AFAP1L1: variants seen among roughly 807,000 people sequenced by gnomAD.
AFAP1L1 encodes actin filament-associated protein 1-like 1.
A neutral mutation model predicts 99.8 loss-of-function variants in AFAP1L1; 77 were observed. That is an observed-to-expected ratio of 0.77 (90% CI 0.64 to 0.93). The LOEUF is 0.93. AFAP1L1 is among the 40% of genes least tolerant of loss of function. The pLI is 0.00. For missense variants in AFAP1L1, 893 were observed against 996.8 expected (o/e 0.90, Z 1.40); for synonymous variants, 373 against 395.3 (o/e 0.94, Z 0.67).
At chr5:149,337,645 C>A (rs944007748) in intron 18 of AFAP1L1, among the ~76,000 whole-genome samples, 1 of 152,152 alleles carries the variant, frequency 6.6e-6, no homozygotes, top group Non-Finnish European at 1.5e-5. Context: ...GTGAACAAGA[C>A]AGATGAGGTC....
chr5:149,307,944 T>C (rs2127596300), intron 7 of AFAP1L1, among the ~76,000 whole-genome samples: 1 of 151,256 alleles, frequency 6.6e-6, no homozygotes, highest in East Asian at 2.0e-4. Flanking sequence ...TCACTTGAGG[T>C]CAGGAGTTCG....
intron 5 of AFAP1L1, among the ~76,000 whole-genome samples, chr5:149,305,594 GT>G (rs1404332895): frequency 6.6e-6 from 1 of 152,130 alleles, no homozygotes; most frequent in African/African-American, 2.4e-5. Flanking sequence ...ACAGAATACA[GT>G]TTGAGACATC....
intron 1 of AFAP1L1, among the ~76,000 whole-genome samples, chr5:149,288,484 G>C (rs1288182786): frequency 6.6e-6 from 1 of 152,158 alleles, no homozygotes; most frequent in East Asian, 1.9e-4. Context: ...TTACCATCAG[G>C]CATCCCAGAT....
At chr5:149,284,315 C>T (rs909649775) in intron 1 of AFAP1L1, among the ~76,000 whole-genome samples, 1 of 152,146 alleles carries the variant, frequency 6.6e-6, no homozygotes, top group Admixed American at 6.5e-5. Flanking sequence ...GGGCTCTGGC[C>T]GTGGTGTCAA....
intron 1 of AFAP1L1, among the ~76,000 whole-genome samples, chr5:149,284,325 A>G (rs922467022): frequency 1.2e-4 from 18 of 152,338 alleles, no homozygotes; most frequent in Middle Eastern, 3.4e-3. Flanking sequence ...CGTGGTGTCA[A>G]GTTGCCTGGG....
intron 1 of AFAP1L1, among the ~76,000 whole-genome samples, chr5:149,275,013 A>G (rs755653403): frequency 6.6e-6 from 1 of 152,156 alleles, no homozygotes; most frequent in Non-Finnish European, 1.5e-5. Context: ...CCTGCCTACC[A>G]TGTGAGAGAT....
In AFAP1L1 at chr5:149,320,509, T is replaced by C. The variant is rs755930665; in HGVS notation, c.1698+46T>C. The C allele has an allele frequency of 9.7e-6, 15 of 1,544,542 alleles. No homozygotes were observed. The highest frequency in any genetic ancestry group is 1.3e-5 in the Non-Finnish European group (15 of 1,117,052). On this transcript the variant is annotated intron_variant, in intron 14 of 18. Coordinates refer to ENST00000296721, the MANE Select transcript of AFAP1L1 (RefSeq NM_152406.4). The surrounding 1 kb of genome is among the most constrained non-coding windows in gnomAD (Gnocchi z 4.0). Reference sequence around the variant, plus strand: ...CCAGGAATGTGGCAAAGGCCACTTATTAGCTCTCCCTCTTTCTGCTCCCTT... The same window carrying C: ...CCAGGAATGTGGCAAAGGCCACTTACTAGCTCTCCCTCTTTCTGCTCCCTT...
chr5:149,335,564 A>C (rs779874617), intron 17 of AFAP1L1, 30 bp from the exon 18 acceptor site: 1 of 1,610,974 alleles, frequency 6.2e-7, no homozygotes, highest in East Asian at 2.2e-5. Context: ...ACCAGATCTC[A>C]CCTATATAAT....
In AFAP1L1 at chr5:149,315,976, G is replaced by A. The variant is rs533358793; in HGVS notation, c.1114+62G>A. 1.3e-4 allele frequency: 204 copies of A among 1,599,334 alleles called. No individual in the cohort carries two copies. The African/African-American group carries it at 2.6e-3, about 20-fold the overall frequency. ...GAACTGGGCCGGGCCTTGCCCATGG[G>A]CACACAGCGGCAGAGCAGGTTCTGA... On this transcript the variant is annotated intron_variant, in intron 10 of 18. Coordinates refer to ENST00000296721, the MANE Select transcript of AFAP1L1 (RefSeq NM_152406.4).
intron 5 of AFAP1L1, 189 bp downstream of exon 5, chr5:149,302,715 G>A (rs1581312839): frequency 6.1e-6 from 3 of 490,698 alleles, no homozygotes; most frequent in Middle Eastern, 1.1e-3. Context: ...ACCAATATGT[G>A]GGGCCCCAGG....
rs576244423 is a variant in AFAP1L1 at position 149,295,345 on chromosome 5, C to T, written c.17-4164C>T. ...AAAAAGGTATTACAAAGCTTGGGTG[C>T]GAGAGCTCAGGTTTTTAAATGCAGA... On this transcript the variant is annotated intron_variant, in intron 1 of 18. Transcript: ENST00000296721. 3.9e-5 allele frequency among the ~76,000 whole-genome samples: 6 copies of T among 152,294 alleles called. No homozygotes were observed. In the East Asian group the frequency reaches 5.8e-4, roughly 15 times the overall value.
chr5:149,312,790 G>GA (rs1053641622), intron 9 of AFAP1L1, among the ~76,000 whole-genome samples: 3 of 148,962 alleles, frequency 2.0e-5, no homozygotes, highest in African/African-American at 7.4e-5. Context: ...CCCTGTCTCA[G>GA]AAAAAAGAAA....
At position 149,341,629 on chromosome 5, in the gene AFAP1L1, C is replaced by T. The variant is rs571368070; in HGVS notation, c.*1599C>T. 13 of 152,388 alleles carry T rather than the reference C, an allele frequency of 8.5e-5. No homozygotes were observed. The highest frequency in any genetic ancestry group is 1.9e-4 in the East Asian group (1 of 5,190). The allele number at this position is 152,388 out of a possible 1,614,324, so 9.4% of individuals were successfully genotyped here. On this transcript the variant is annotated 3_prime_UTR_variant, in exon 19 of 19. Coordinates refer to ENST00000296721, the MANE Select transcript of AFAP1L1 (RefSeq NM_152406.4). ...CTCATTAGCCAGGCATGGTGGTACT[C>T]GCCTGTAGTCCCAGCTACTCAGGAG...
chr5:149,287,477 A>G (rs9325141), intron 1 of AFAP1L1, among the ~76,000 whole-genome samples: 109 of 152,260 alleles, frequency 7.2e-4, no homozygotes, highest in African/African-American at 2.6e-3. Flanking sequence ...TAACTACATA[A>G]ATAAATAACT....
intron 1 of AFAP1L1, among the ~76,000 whole-genome samples, chr5:149,278,634 C>T (rs1755417663): frequency 6.6e-6 from 1 of 152,212 alleles, no homozygotes; most frequent in Non-Finnish European, 1.5e-5. Flanking sequence ...ACAAGTTACC[C>T]AACCAAGTTG....
At chr5:149,300,744 C>G (rs1013100573) in intron 3 of AFAP1L1, among the ~76,000 whole-genome samples, 1 of 152,252 alleles carries the variant, frequency 6.6e-6, no homozygotes, top group Non-Finnish European at 1.5e-5. Flanking sequence ...TGCAGAGTAC[C>G]TGCCGTCCTA....
At chr5:149,311,100 C>CT (rs2127597195) in intron 8 of AFAP1L1, among the ~76,000 whole-genome samples, 1 of 152,284 alleles carries the variant, frequency 6.6e-6, no homozygotes, top group East Asian at 1.9e-4. Flanking sequence ...TGCACCGCCT[C>CT]TACTTCACTC....
intron 8 of AFAP1L1, among the ~76,000 whole-genome samples, chr5:149,310,677 T>A (rs1244729627): frequency 6.6e-6 from 1 of 152,192 alleles, no homozygotes; most frequent in Non-Finnish European, 1.5e-5. Context: ...AAAATATTAT[T>A]GTTCCCATTT....
intron 5 of AFAP1L1, among the ~76,000 whole-genome samples, chr5:149,304,930 G>A (rs1028950122): frequency 4.1e-5 from 6 of 145,854 alleles, no homozygotes; most frequent in Admixed American, 2.1e-4. Context: ...TGCTGTGAGA[G>A]TGAGTTGGAC....
Sources: gnomAD v4.1 joint callset for allele counts (sites outside exome capture counted in the v4.1 genomes callset) on GRCh38, gnomAD v4.1.1 for gene constraint, Gnocchi (gnomAD v3.1) non-coding constraint, MANE v1.5 for transcripts, NCBI Gene and HGNC (gene_info 2026-07-23, HGNC 2026-07-21) for gene names.